Variants in NELL1 observed in about 807,000 individuals in gnomAD.
NELL1 encodes protein kinase C-binding protein NELL1.
NELL1 carries 76 observed loss-of-function variants against 107.4 expected under a neutral mutation model. The observed-to-expected ratio is 0.71, with a 90% CI of 0.59 to 0.86. The LOEUF is 0.86. NELL1 is among the 40% of genes least tolerant of loss of function. The pLI is 0.00. For synonymous variants in NELL1, 353 were observed against 341.2 expected (o/e 1.03, Z -0.38); for missense variants, 1,024 against 1,005.5 (o/e 1.02, Z -0.25).
At position 21,560,315 on chromosome 11, in the gene NELL1, G is replaced by C. The variant is rs149093452; in HGVS notation, c.1913G>C (p.Gly638Ala). Residue 638 changes from glycine to alanine, a missense_variant, in exon 17 of 20, where the codon GGG (glycine) becomes GCG (alanine). Coordinates refer to ENST00000357134, the MANE Select transcript of NELL1 (RefSeq NM_006157.5). ...PSCSGDCPHE[G>A]GLKHNGQVWT... ...TGCTCTGGTGACTGTCCTCATGAAG[G>C]GGGGCTGAAGCACAATGGCCAGGTG... 1.1e-5 allele frequency: 18 copies of C among 1,613,028 alleles called. No individual in the cohort carries two copies. In the East Asian group the frequency reaches 1.8e-4, roughly 16 times the overall value.
intron 16 of NELL1, among the ~76,000 whole-genome samples, chr11:21,547,901 T>C (rs1203120094): frequency 1.3e-5 from 2 of 151,798 alleles, no homozygotes; most frequent in Admixed American, 6.6e-5. Context: ...AGCTGAGAAA[T>C]TGTGAAAATG....
intron 12 of NELL1, among the ~76,000 whole-genome samples, chr11:21,060,337 C>G (rs1190595044): frequency 6.6e-6 from 1 of 152,098 alleles, no homozygotes; most frequent in Non-Finnish European, 1.5e-5. Flanking sequence ...ATTATTAAAT[C>G]AAACTATGCA....
chr11:21,524,993 C>T (rs1056743130), intron 15 of NELL1, among the ~76,000 whole-genome samples: 10 of 152,134 alleles, frequency 6.6e-5, no homozygotes, highest in Non-Finnish European at 1.3e-4. Context: ...ATGAGATTTG[C>T]AAATCCATAG....
chr11:20,875,674 A>T (rs1849290603), intron 4 of NELL1, among the ~76,000 whole-genome samples: 1 of 152,232 alleles, frequency 6.6e-6, no homozygotes, highest in Admixed American at 6.5e-5. Flanking sequence ...GTCTTATATG[A>T]TCTGGTTATT....
chr11:21,401,625 G>A (rs1286512508), intron 15 of NELL1, among the ~76,000 whole-genome samples: 1 of 151,804 alleles, frequency 6.6e-6, no homozygotes, highest in South Asian at 2.1e-4. Context: ...TCTGGCAGGT[G>A]GAAACATGTA....
chr11:21,117,259 G>A (rs1855259243), intron 13 of NELL1, among the ~76,000 whole-genome samples: 1 of 151,934 alleles, frequency 6.6e-6, no homozygotes. Context: ...TTAGTTCTCT[G>A]AGTAATACAT....
intron 12 of NELL1, among the ~76,000 whole-genome samples, chr11:21,088,502 G>A (rs191882104): frequency 1.7e-3 from 265 of 152,062 alleles, no homozygotes; most frequent in African/African-American, 6.0e-3. Flanking sequence ...ACCACATTTG[G>A]GCTCTTCTTG....
At chr11:20,945,015 G>T (rs2134195563) in intron 10 of NELL1, among the ~76,000 whole-genome samples, 1 of 152,272 alleles carries the variant, frequency 6.6e-6, no homozygotes, top group East Asian at 1.9e-4. Flanking sequence ...ATGTAAGGAA[G>T]AAAATGGGAA....
intron 10 of NELL1, among the ~76,000 whole-genome samples, chr11:20,940,966 C>T (rs984680078): frequency 9.9e-5 from 15 of 152,090 alleles, no homozygotes; most frequent in African/African-American, 3.4e-4. Context: ...TGGTGAAACT[C>T]TGTCTCTCCC....
chr11:21,541,389 C>T (rs1351206488), intron 16 of NELL1, among the ~76,000 whole-genome samples: 3 of 152,088 alleles, frequency 2.0e-5, no homozygotes, highest in Non-Finnish European at 4.4e-5. Flanking sequence ...CAATATGAAA[C>T]AACCAAAAAT....
chr11:21,511,164 C>T (rs987154953), intron 15 of NELL1, among the ~76,000 whole-genome samples: 8 of 152,144 alleles, frequency 5.3e-5, no homozygotes, highest in Non-Finnish European at 1.2e-4. Context: ...TTGTTAATCA[C>T]TATTATTACT....
intron 15 of NELL1, among the ~76,000 whole-genome samples, chr11:21,394,966 GATAGT>G (rs1851950100): frequency 6.6e-6 from 1 of 151,462 alleles, no homozygotes; most frequent in African/African-American, 2.4e-5. Flanking sequence ...GTGGGACTCA[GATAGT>G]ATGTGATTGT....
At chr11:21,131,682 A>G (rs1223408478) in intron 13 of NELL1, among the ~76,000 whole-genome samples, 4 of 152,124 alleles carry the variant, frequency 2.6e-5, no homozygotes, top group Non-Finnish European at 2.9e-5. Flanking sequence ...CATTTGGAGC[A>G]TTGCAATTTT....
intron 14 of NELL1, among the ~76,000 whole-genome samples, chr11:21,262,160 TCCCTCTAGTTGTATAAATA>T (rs1244600756): frequency 3.3e-5 from 5 of 151,850 alleles, no homozygotes; most frequent in African/African-American, 7.2e-5. Context: ...ATCCTCAAAC[TCCCTCTAGTTGTATAAATA>T]CCCTCTAAGA....
At chr11:21,087,349 T>C (rs1246562721) in intron 12 of NELL1, among the ~76,000 whole-genome samples, 2 of 151,582 alleles carry the variant, frequency 1.3e-5, no homozygotes, top group Non-Finnish European at 2.9e-5. Flanking sequence ...TCGCCTTAGG[T>C]TTTGACTAAG....
intron 14 of NELL1, among the ~76,000 whole-genome samples, chr11:21,297,644 C>T (rs1442806851): frequency 6.6e-6 from 1 of 152,036 alleles, no homozygotes; most frequent in Non-Finnish European, 1.5e-5. Flanking sequence ...TGAATACTTG[C>T]TTTGAGCCAT....
intron 17 of NELL1, among the ~76,000 whole-genome samples, chr11:21,564,697 G>A (rs1450986076): frequency 6.6e-6 from 1 of 151,828 alleles, no homozygotes; most frequent in Non-Finnish European, 1.5e-5. Context: ...GAGTTTTTCT[G>A]GGGTTTAGAG....
intron 14 of NELL1, among the ~76,000 whole-genome samples, chr11:21,312,159 G>C (rs935242136): frequency 8.5e-5 from 13 of 152,104 alleles, no homozygotes; most frequent in African/African-American, 3.1e-4. Context: ...TGTTATAACA[G>C]TGTGAATGAA....
chr11:21,010,815 G>A (rs1443711334), intron 12 of NELL1, among the ~76,000 whole-genome samples: 2 of 152,012 alleles, frequency 1.3e-5, no homozygotes, highest in African/African-American at 2.4e-5. Flanking sequence ...TTAGAAAACA[G>A]CAAACTGCCC....
Sources: gnomAD v4.1 joint callset for allele counts (sites outside exome capture counted in the v4.1 genomes callset) on GRCh38, gnomAD v4.1.1 for gene constraint, MANE v1.5 for transcripts, NCBI Gene and HGNC (gene_info 2026-07-23, HGNC 2026-07-21) for gene names.